Variants in MAX observed in about 807,000 individuals in gnomAD.
MAX encodes the protein MYC associated transcriptional regulator X, also known as protein max.
A neutral mutation model predicts 22.3 loss-of-function variants in MAX; 3 were observed. That is an observed-to-expected ratio of 0.13 (90% confidence interval 0.06 to 0.35). MAX has a LOEUF of 0.35. MAX is among the 10% of genes least tolerant of loss of function. The probability of loss-of-function intolerance (pLI) is 1.00; values close to 1 mark genes in which losing one functional copy is unlikely to be tolerated. For synonymous variants in MAX, 72 were observed against 77.7 expected (o/e 0.93, Z 0.39); for missense variants, 119 against 209.4 (o/e 0.57, Z 2.66).
At position 65,093,078 on chromosome 14, in the gene MAX, G is replaced by A. The variant is rs1055891790; in HGVS notation, c.171+630C>T. On this transcript the variant is annotated intron_variant, in intron 3 of 4. Transcript: ENST00000358664. The surrounding 1 kb of genome is among the most constrained non-coding windows in gnomAD (Gnocchi z 4.4). ...TGTTTTTCAAATGTAGAAACAGCTG[G>A]TGCCTAGCCCTCCAGGGAAAACACT... Among the ~76,000 whole-genome samples, 1 of 152,216 alleles carries A rather than the reference G, an allele frequency of 6.6e-6. No homozygotes were observed. Among genetic ancestry groups the A allele is most frequent in the Non-Finnish European group, 1.5e-5 (1 of 68,042 alleles).
rs1226651374 is a variant in MAX, at chr14:65,032,047, C to T, written c.172-25763G>A. On this transcript the variant is annotated intron_variant, in intron 3 of 3. Coordinates refer to the MAX transcript ENST00000341653. This position sits in a 1 kb window ranked among gnomAD's most constrained non-coding sequence, Gnocchi z 5.0. ...TGGTGAGAGGTTTGAAATCAAGGCT[C>T]TTTTCTCCCTCTAGAGGTTTAAGGA... 1.3e-5 allele frequency among the ~76,000 whole-genome samples: 2 copies of T among 150,118 alleles called. No individual in the cohort carries two copies. Among genetic ancestry groups the T allele is most frequent in the African/African-American group, 5.0e-5 (2 of 40,180 alleles).
At chr14:65,099,787 A>G (rs953184391) in intron 2 of MAX, among the ~76,000 whole-genome samples, 1 of 152,258 alleles carries the variant, frequency 6.6e-6, no homozygotes, top group South Asian at 2.1e-4. Flanking sequence ...AAATATATGC[A>G]TAAGTATATG....
intron 3 of MAX, among the ~76,000 whole-genome samples, chr14:65,083,163 C>T (rs572123601): frequency 6.6e-6 from 1 of 152,176 alleles, no homozygotes; most frequent in Non-Finnish European, 1.5e-5. Flanking sequence ...AGTAAGCAGA[C>T]AGAGGGAAGG....
downstream of MAX, among the ~76,000 whole-genome samples, chr14:65,071,792 C>G (rs887104333): frequency 6.6e-6 from 1 of 152,244 alleles, no homozygotes; most frequent in Non-Finnish European, 1.5e-5. This position sits in a 1 kb window ranked among gnomAD's most constrained non-coding sequence, Gnocchi z 4.2. Context: ...AAGGACAACA[C>G]TTACCAGCAG....
chr14:65,064,319 G>A (rs1381127431), intron 3 of MAX, among the ~76,000 whole-genome samples: 2 of 152,182 alleles, frequency 1.3e-5, no homozygotes, highest in African/African-American at 2.4e-5. Flanking sequence ...TATGATTTAA[G>A]ACACCATTGC....
At chr14:65,052,503 C>G (rs2087013488) in intron 3 of MAX, among the ~76,000 whole-genome samples, 1 of 152,198 alleles carries the variant, frequency 6.6e-6, no homozygotes, top group Admixed American at 6.5e-5. Context: ...GCAGATGTTT[C>G]TGCACACCTG....
chr14:65,011,431 GAAAA>G lies in MAX; in HGVS notation c.172-5151_172-5148del, dbSNP rs767329195. Among the ~76,000 whole-genome samples, 3 of 80,088 alleles carry G rather than the reference GAAAA, an allele frequency of 3.7e-5. No homozygotes were observed. The highest frequency in any genetic ancestry group is 4.2e-5 in the African/African-American group (1 of 23,688). 52.5% of individuals were successfully genotyped at this position (80,088 alleles called of 152,430 possible). ...GTGACAGAGCGAGACTCCGTCTCAG[GAAAA>G]AAAAAAAAAAAAAAAAAGACTGCAT... On this transcript the variant is annotated intron_variant, in intron 3 of 3. Transcript: ENST00000341653. This position sits in a 1 kb window ranked among gnomAD's most constrained non-coding sequence, Gnocchi z 4.0.
chr14:65,051,165 C>T lies in MAX; in HGVS notation c.171+42543G>A, dbSNP rs117971650. ...TTAATGGGTGTTTCAGGGCTGAGTG[C>T]GACTCAGGGTTGAAGACGAGAAGCT... On this transcript the variant is annotated intron_variant, in intron 3 of 3. Transcript: ENST00000341653. Among the ~76,000 whole-genome samples the T allele has an allele frequency of 4.1e-3, 619 of 152,280 alleles. 15 individuals are homozygous for T. In the South Asian group the frequency reaches 0.042, roughly 10 times the overall value.
At chr14:65,006,656 CT>C (rs1351305259) in intron 3 of MAX, among the ~76,000 whole-genome samples, 3 of 152,220 alleles carry the variant, frequency 2.0e-5, no homozygotes, top group African/African-American at 7.2e-5. Context: ...TGTCCACTGC[CT>C]GGGCTCTGGG....
chr14:65,039,404 T>G (rs1244438134), intron 3 of MAX, among the ~76,000 whole-genome samples: 1 of 152,230 alleles, frequency 6.6e-6, no homozygotes, highest in Non-Finnish European at 1.5e-5. Flanking sequence ...TCAGATCCTT[T>G]TGATTAAACC....
intron 3 of MAX, among the ~76,000 whole-genome samples, chr14:65,037,738 TTTA>T (rs564552915): frequency 0.32 from 36,637 of 114,822 alleles, 5,690 homozygotes; most frequent in Middle Eastern, 0.45. Context: ...TATTTATTTA[TTTA>T]TTATTTATTT....
Position 65,077,459 on chromosome 14 carries a change from A to AT in MAX, c.295+453dup. 7.0e-7 allele frequency: 1 copy of AT among 1,432,884 alleles called. No homozygotes were observed. The highest frequency in any genetic ancestry group is 9.9e-7 in the Non-Finnish European group (1 of 1,014,682). The allele number at this position is 1,432,884 out of a possible 1,614,324, so 88.8% of individuals were successfully genotyped here. Reference sequence around the variant, plus strand: ...GTTGTAGGAAAAGGCGGGTGTGAGCATTGAGAACAGCATGGGCCTAGCCCA... The same window carrying AT: ...GTTGTAGGAAAAGGCGGGTGTGAGCATTTGAGAACAGCATGGGCCTAGCCCA... On this transcript the variant is annotated intron_variant, in intron 4 of 4. Transcript: ENST00000358664. The surrounding 1 kb of genome is among the most constrained non-coding windows in gnomAD (Gnocchi z 6.3).
chr14:65,075,156 T>G lies in MAX; in HGVS notation c.*1320A>C. On this transcript the variant is annotated 3_prime_UTR_variant, in exon 5 of 5. Coordinates refer to ENST00000358664, the MANE Select transcript of MAX (RefSeq NM_002382.5). The surrounding 1 kb of genome is among the most constrained non-coding windows in gnomAD (Gnocchi z 4.1). ...ATAAAATAAGTTTTTATTTATAGTC[T>G]TATAGTAAAGGGGGAAGCCTTAACT... The G allele has an allele frequency of 8.8e-6, 9 of 1,027,446 alleles. No homozygotes were observed. The highest frequency in any genetic ancestry group is 1.1e-5 in the Non-Finnish European group (9 of 855,264). The allele number at this position is 1,027,446 out of a possible 1,614,324, so 63.6% of individuals were successfully genotyped here.
At chr14:65,041,275 C>T (rs1275905195) in intron 3 of MAX, among the ~76,000 whole-genome samples, 2 of 152,160 alleles carry the variant, frequency 1.3e-5, no homozygotes, top group African/African-American at 4.8e-5. Flanking sequence ...TGCAGCATTT[C>T]GAAACCAAAC....
chr14:65,065,175 A>G (rs1001436086), intron 3 of MAX, among the ~76,000 whole-genome samples: 3 of 152,188 alleles, frequency 2.0e-5, no homozygotes, highest in African/African-American at 7.2e-5. Context: ...GGATGGTAGA[A>G]TGTGTGGCCT....
In MAX at chr14:65,032,981, T is replaced by C. The variant is rs745630921; in HGVS notation, c.172-26697A>G. ...ACCAGTTTTTAGAGCAATTTGACAG[T>C]ATGTCAAAGGTGCCCTTGCGTAGGA... On this transcript the variant is annotated intron_variant, in intron 3 of 3. Coordinates refer to the MAX transcript ENST00000341653. This position sits in a 1 kb window ranked among gnomAD's most constrained non-coding sequence, Gnocchi z 5.0. Among the ~76,000 whole-genome samples the C allele has an allele frequency of 1.3e-5, 2 of 152,196 alleles. No individual in the cohort carries two copies. Among genetic ancestry groups the C allele is most frequent in the Non-Finnish European group, 2.9e-5 (2 of 68,036 alleles).
chr14:65,057,281 AG>A (rs749974446), intron 3 of MAX, among the ~76,000 whole-genome samples: 5 of 152,112 alleles, frequency 3.3e-5, no homozygotes, highest in Non-Finnish European at 7.3e-5. Flanking sequence ...AGAAGATTTT[AG>A]GCCAGATATG....
intron 3 of MAX, among the ~76,000 whole-genome samples, chr14:65,050,837 C>T (rs756883654): frequency 3.9e-5 from 6 of 152,160 alleles, no homozygotes; most frequent in Non-Finnish European, 7.3e-5. Context: ...ATAATTCCAC[C>T]GTGGTCAGTC....
At chr14:65,048,637 G>T (rs1390808160) in intron 3 of MAX, among the ~76,000 whole-genome samples, 1 of 152,190 alleles carries the variant, frequency 6.6e-6, no homozygotes, top group East Asian at 1.9e-4. Flanking sequence ...AGGACCTCTT[G>T]AGCTCAGGAG....
Sources: gnomAD v4.1 joint callset for allele counts (sites outside exome capture counted in the v4.1 genomes callset) on GRCh38, gnomAD v4.1.1 for gene constraint, Gnocchi (gnomAD v3.1) non-coding constraint, MANE v1.5 for transcripts, NCBI Gene and HGNC (gene_info 2026-07-23, HGNC 2026-07-21) for gene names.